Variants in F11 observed in about 807,000 individuals in gnomAD.
F11 encodes coagualtion factor XI.
Under a neutral mutation model 76.5 loss-of-function variants are expected in F11, and 78 were observed. The observed-to-expected ratio is 1.02, with a 90% confidence interval of 0.85 to 1.23. The LOEUF is 1.23. Ranked by LOEUF, F11 falls within the 50% of genes most tolerant of loss-of-function variation. The probability of loss-of-function intolerance (pLI) is 0.00; values close to 1 mark genes in which losing one functional copy is unlikely to be tolerated. For missense variants in F11, 742 were observed against 771.4 expected (o/e 0.96, Z 0.45); for synonymous variants, 278 against 276.3 (o/e 1.01, Z -0.06).
At chr4:186,275,737 C>G in intron 5 of F11, 50 bp from the exon 6 acceptor site, 1 of 1,365,204 alleles carries the variant, frequency 7.3e-7, no homozygotes. Context: ...ATGTTTTTTC[C>G]TCCTTGCAGT....
intron 5 of F11, among the ~76,000 whole-genome samples, 154 bp from the exon 6 acceptor site, chr4:186,275,633 C>G (rs966657866): frequency 7.2e-5 from 11 of 152,212 alleles, no homozygotes; most frequent in African/African-American, 2.7e-4. Flanking sequence ...TGCTTAGCAA[C>G]ACTGCTGGGA....
At chr4:186,285,559 A>G in intron 11 of F11, 79 bp from the exon 12 acceptor site, 1 of 1,407,640 alleles carries the variant, frequency 7.1e-7, no homozygotes. Context: ...AGTAATAATT[A>G]AACAGCCACA....
chr4:186,283,915 A>G (rs1740978171), intron 10 of F11, 177 bp from the exon 11 acceptor site: 1 of 364,468 alleles, frequency 2.7e-6, no homozygotes, highest in East Asian at 1.7e-4. Context: ...TGACTTAGTC[A>G]ATTCCATTTT....
rs1403630451 is a variant in F11, at chr4:186,287,721, C to T, written c.1614C>T (p.Pro538=). ...ATACTCTCCAGAAAGCCAAGATACC[C>T]TTAGTGACCAACGAAGAGTGCCAGA... ...IQNTLQKAKI[P]LVTNEECQKR... is the part of the protein sequence containing the mutation. Residue 538 remains proline, a synonymous_variant, in exon 14 of 15, where the codon CCC becomes CCT. Coordinates refer to ENST00000403665, the MANE Select transcript of F11 (RefSeq NM_000128.4). 1 of 1,613,370 alleles carries T rather than the reference C, an allele frequency of 6.2e-7. No homozygotes were observed. The highest frequency in any genetic ancestry group is 2.2e-5 in the East Asian group (1 of 44,850).
In F11 at chr4:186,280,573, G is replaced by A. The variant is rs763964150; in HGVS notation, c.1128G>A (p.Met376Ile). 9.3e-6 allele frequency: 15 copies of A among 1,609,548 alleles called. No individual in the cohort carries two copies. The South Asian group carries it at 1.5e-4, about 17-fold the overall frequency. Residue 376 changes from methionine to isoleucine, a missense_variant, in exon 10 of 15, where the codon ATG (methionine) becomes ATA (isoleucine). By Grantham distance (10) the Met-to-Ile change is conservative (BLOSUM62 1). Transcript: ENST00000403665. ...ISGYTLRLCK[M>I]DNECTTKIKP... ...GATACACATTAAGGTTGTGTAAAAT[G>A]GATAATGGTGAGTATAATGTCACTT...
chr4:186,282,887 C>A (rs1361151503), intron 10 of F11: 1 of 985,254 alleles, frequency 1.0e-6, no homozygotes, highest in Non-Finnish European at 1.2e-6. Flanking sequence ...CAGAATTATA[C>A]ACTCATTTTC....
chr4:186,266,628 A>G (rs1243525254), intron 1 of F11, among the ~76,000 whole-genome samples: 1 of 152,232 alleles, frequency 6.6e-6, no homozygotes, highest in Non-Finnish European at 1.5e-5. Flanking sequence ...TGCTTACTGG[A>G]GATAAATAGA....
Position 186,280,455 on chromosome 4 carries a change from G to C in F11, c.1029-19G>C, listed in dbSNP as rs537684186. The C allele has an allele frequency of 3.7e-6, 6 of 1,614,086 alleles. No individual in the cohort carries two copies. Among genetic ancestry groups the C allele is most frequent in the Non-Finnish European group, 5.1e-6 (6 of 1,179,942 alleles). On this transcript the variant is annotated intron_variant, in intron 9 of 14. Coordinates refer to ENST00000403665, the MANE Select transcript of F11 (RefSeq NM_000128.4). The stretch of plus-strand genomic sequence containing the variant: ...CTGTGAGGTGCATTATGTTTATACC[G>C]TTTTGTTTCCAACTGCAGGGGCAAG...
chr4:186,276,150 A>G lies in F11; in HGVS notation c.596-81A>G, dbSNP rs1740358268. On this transcript the variant is annotated intron_variant, in intron 6 of 14. Coordinates refer to ENST00000403665, the MANE Select transcript of F11 (RefSeq NM_000128.4). Reference sequence around the variant, plus strand: ...TTGGGATACACTTAAATTTTTTAATATGGAATTTACACATACTGTGACCGG... The same window carrying G: ...TTGGGATACACTTAAATTTTTTAATGTGGAATTTACACATACTGTGACCGG... The G allele has an allele frequency of 2.6e-6, 4 of 1,522,772 alleles. No individual in the cohort carries two copies. The Admixed American group carries it at 7.1e-5, about 27-fold the overall frequency. 94.3% of individuals were successfully genotyped at this position (1,522,772 alleles called of 1,614,324 possible).
chr4:186,277,991 G>GT (rs1740510640), intron 7 of F11, among the ~76,000 whole-genome samples: 1 of 152,140 alleles, frequency 6.6e-6, no homozygotes, highest in South Asian at 2.1e-4. Context: ...TAGAGACAGA[G>GT]TTTCGCCATG....
chr4:186,284,099 C>T lies in F11; in HGVS notation c.1143C>T (p.Thr381=), dbSNP rs1740995311. ...ACAATGCTTCTGTTGCAGAGTGTAC[C>T]ACCAAAATCAAGCCCAGGATCGTTG... ...LRLCKMDNEC[T]TKIKPRIVGG... The change falls in exon 11 of 15, where the codon ACC becomes ACT. Residue 381 remains threonine, a synonymous_variant. Transcript: ENST00000403665. 1 of 1,614,198 alleles carries T rather than the reference C, an allele frequency of 6.2e-7. No individual in the cohort carries two copies. Among genetic ancestry groups the T allele is most frequent in the Non-Finnish European group, 8.5e-7 (1 of 1,180,028 alleles).
chr4:186,283,104 T>C, intron 10 of F11: 1 of 935,668 alleles, frequency 1.1e-6, no homozygotes, highest in South Asian at 4.9e-5. Context: ...GGGAGCTTGT[T>C]AGAAAGAATT....
At position 186,280,072 on chromosome 4, in the gene F11, C is replaced by T. The variant is rs543055155; in HGVS notation, c.816C>T (p.Ser272=). The part of the protein sequence containing the change: ...SGLPSTRIKK[S]KALSGFSLQS... ...TGCCCAGTACACGCATTAAAAAGAG[C>T]AAAGCTCTTTCTGGTTTCAGTCTAC... The change falls in exon 8 of 15, where the codon AGC becomes AGT. Residue 272 remains serine (S), a synonymous_variant. Coordinates refer to ENST00000403665, the MANE Select transcript of F11 (RefSeq NM_000128.4). The T allele has an allele frequency of 1.2e-6, 2 of 1,614,052 alleles. No individual in the cohort carries two copies. Among genetic ancestry groups the T allele is most frequent in the East Asian group, 4.5e-5 (2 of 44,898 alleles).
rs1192397190 is a variant in F11, at chr4:186,287,671, A to T, written c.1577-13A>T. 1 of 1,604,838 alleles carries T rather than the reference A, an allele frequency of 6.2e-7. No homozygotes were observed. Among genetic ancestry groups the T allele is most frequent in the African/African-American group, 1.3e-5 (1 of 74,412 alleles). The stretch of plus-strand genomic sequence containing the variant: ...TGGTTATTCTACAAACGAACCAAAA[A>T]AATTTTTTTCAGACAAAATACAAAA... On this transcript the variant is annotated splice_polypyrimidine_tract_variant and intron_variant, in intron 13 of 14. Transcript: ENST00000403665.
chr4:186,278,193 T>C (rs921208556), intron 7 of F11, among the ~76,000 whole-genome samples: 2 of 152,194 alleles, frequency 1.3e-5, no homozygotes, highest in Non-Finnish European at 2.9e-5. Flanking sequence ...TATCTCTGAA[T>C]TGGAACTCTC....
In F11 at chr4:186,286,032, T is replaced by A. The variant is rs1226241285; in HGVS notation, c.1480+219T>A. On this transcript the variant is annotated intron_variant, in intron 12 of 14. Transcript: ENST00000403665. ...ATGTGGGTAAAGAGATACGTTTTCCTGAGTCTTCTTCAGGTGCATAGAATG... is the reference window on the plus strand; with the variant it reads ...ATGTGGGTAAAGAGATACGTTTTCCAGAGTCTTCTTCAGGTGCATAGAATG... 19 of 611,434 alleles carry A rather than the reference T, an allele frequency of 3.1e-5. No homozygotes were observed. In the Admixed American group the frequency reaches 5.2e-4, roughly 17 times the overall value. The allele number at this position is 611,434 out of a possible 1,614,324, so 37.9% of individuals were successfully genotyped here. A position where few individuals can be genotyped will look rare whatever the true frequency, so the allele number is the denominator to read the frequency against.
rs566403574 is a variant in F11, at chr4:186,286,163, C to A, written c.1481-252C>A. The stretch of plus-strand genomic sequence containing the variant: ...ATTGAAGGTTAGAACAATTAAGCAA[C>A]TTGTGCAGGATCAAAGTGAGTTGGA... On this transcript the variant is annotated intron_variant, in intron 12 of 14. Coordinates refer to ENST00000403665, the MANE Select transcript of F11 (RefSeq NM_000128.4). The A allele has an allele frequency of 3.6e-5, 19 of 527,364 alleles. No homozygotes were observed. The African/African-American group carries it at 3.6e-4, about 10-fold the overall frequency. The allele number at this position is 527,364 out of a possible 1,614,324, so 32.7% of individuals were successfully genotyped here.
intron 5 of F11, 129 bp downstream of exon 5, chr4:186,274,404 C>G: frequency 8.9e-7 from 1 of 1,118,102 alleles, no homozygotes; most frequent in Non-Finnish European, 1.3e-6. Context: ...TAATAGTACT[C>G]CTAGTTTTCT....
chr4:186,288,182 G>A (rs1741356538), intron 14 of F11, among the ~76,000 whole-genome samples: 1 of 152,130 alleles, frequency 6.6e-6, no homozygotes, highest in South Asian at 2.1e-4. Context: ...AAAGTGCTGG[G>A]ATTACAGGCG....
Sources: gnomAD v4.1 joint callset for allele counts (sites outside exome capture counted in the v4.1 genomes callset) on GRCh38, gnomAD v4.1.1 for gene constraint, MANE v1.5 for transcripts, NCBI Gene and HGNC (gene_info 2026-07-23, HGNC 2026-07-21) for gene names.